LRP1B: variants seen among roughly 807,000 people sequenced by gnomAD.
LRP1B encodes LDL receptor related protein 1B, also known as low-density lipoprotein receptor-related protein 1B.
LRP1B carries 217 observed loss-of-function variants against 556.6 expected under a neutral mutation model. The ratio of observed to expected loss-of-function variants is 0.39; its 90% CI spans 0.35 to 0.44. LRP1B has a LOEUF of 0.44. Among genes scored for constraint, LRP1B ranks in the 20% least tolerant of loss-of-function variants. LRP1B has a pLI of 1.00. For missense variants in LRP1B, 5,053 were observed against 5,620.8 expected, an observed-to-expected ratio of 0.90 and a Z score of 3.23; for synonymous variants, 2,047 against 1,865.8, an observed-to-expected ratio of 1.10 and a Z score of -2.50.
intron 2 of LRP1B, among the ~76,000 whole-genome samples, chr2:141,598,792 T>C (rs1687615403): frequency 6.6e-6 from 1 of 152,074 alleles, no homozygotes; most frequent in Non-Finnish European, 1.5e-5. Context: ...CTCTGTGCCA[T>C]ACAGGAGTGT....
At chr2:142,020,341 CAG>C (rs1402957960) in intron 1 of LRP1B, among the ~76,000 whole-genome samples, 2 of 152,128 alleles carry the variant, frequency 1.3e-5, no homozygotes, top group Non-Finnish European at 2.9e-5. Flanking sequence ...CCGGAGTACA[CAG>C]AGAAGAGTTT....
chr2:142,089,734 G>A (rs867163427), intron 1 of LRP1B, among the ~76,000 whole-genome samples: 4 of 152,030 alleles, frequency 2.6e-5, no homozygotes, highest in African/African-American at 9.7e-5. Flanking sequence ...TACTCAAGAA[G>A]GATTGTGACA....
chr2:142,045,912 G>A (rs1448708822), intron 1 of LRP1B, among the ~76,000 whole-genome samples: 6 of 151,912 alleles, frequency 3.9e-5, no homozygotes, highest in Non-Finnish European at 8.8e-5. Context: ...CATTCATTAT[G>A]TGAATGCTAA....
intron 2 of LRP1B, among the ~76,000 whole-genome samples, chr2:141,581,965 G>A (rs1686970236): frequency 6.6e-6 from 1 of 152,108 alleles, no homozygotes; most frequent in Non-Finnish European, 1.5e-5. Context: ...AAAATGGTAT[G>A]GAAAATACAT....
At chr2:141,890,029 GCA>G (rs1243896606) in intron 1 of LRP1B, among the ~76,000 whole-genome samples, 1 of 140,582 alleles carries the variant, frequency 7.1e-6, no homozygotes. Context: ...TTTATTCCTT[GCA>G]GTTTTTCATT....
chr2:141,478,013 C>T (rs1261847241), intron 3 of LRP1B, among the ~76,000 whole-genome samples: 1 of 151,408 alleles, frequency 6.6e-6, no homozygotes, highest in Non-Finnish European at 1.5e-5. Flanking sequence ...ACTTGAAACA[C>T]TTAAATAACT....
chr2:140,423,991 A>G (rs970619713), intron 66 of LRP1B, among the ~76,000 whole-genome samples: 3 of 152,192 alleles, frequency 2.0e-5, no homozygotes, highest in African/African-American at 7.2e-5. Context: ...TGTTTACTCA[A>G]CATCTACCAT....
At chr2:142,013,341 A>G (rs1703013915) in intron 1 of LRP1B, among the ~76,000 whole-genome samples, 2 of 152,198 alleles carry the variant, frequency 1.3e-5, no homozygotes, top group East Asian at 3.8e-4. Context: ...GCAGAGTAGT[A>G]TCGGAAGGTG....
At chr2:142,075,828 G>A (rs185877303) in intron 1 of LRP1B, among the ~76,000 whole-genome samples, 8 of 152,220 alleles carry the variant, frequency 5.3e-5, no homozygotes, top group South Asian at 2.1e-4. Context: ...GCAGAAAACA[G>A]CTTGTCTTTT....
chr2:141,908,159 A>G (rs1206911977), intron 1 of LRP1B, among the ~76,000 whole-genome samples: 3 of 152,084 alleles, frequency 2.0e-5, no homozygotes, highest in African/African-American at 7.2e-5. Flanking sequence ...AAAATTTGCA[A>G]AATAAGTTTT....
chr2:141,907,953 C>T (rs1279103702), intron 1 of LRP1B, among the ~76,000 whole-genome samples: 2 of 151,972 alleles, frequency 1.3e-5, no homozygotes, highest in Non-Finnish European at 2.9e-5. Flanking sequence ...CTTCCTTCTA[C>T]ACCTGTTAGG....
intron 31 of LRP1B, among the ~76,000 whole-genome samples, chr2:140,824,836 T>C (rs1573768199): frequency 6.6e-6 from 1 of 152,114 alleles, no homozygotes; most frequent in African/African-American, 2.4e-5. Flanking sequence ...CTGAGACATA[T>C]CAATAAATCT....
chr2:140,410,169 C>T (rs538658335), intron 66 of LRP1B, among the ~76,000 whole-genome samples: 7 of 151,590 alleles, frequency 4.6e-5, no homozygotes, highest in Admixed American at 3.9e-4. Flanking sequence ...CATATTTTAA[C>T]CTTTGAAAAA....
At chr2:141,111,522 C>T (rs1347479601) in intron 7 of LRP1B, among the ~76,000 whole-genome samples, 3 of 152,148 alleles carry the variant, frequency 2.0e-5, no homozygotes, top group Non-Finnish European at 4.4e-5. Context: ...GTTTTGTGCA[C>T]TTAAGGGACC....
intron 79 of LRP1B, among the ~76,000 whole-genome samples, chr2:140,331,110 A>T (rs1037029486): frequency 1.3e-5 from 2 of 152,180 alleles, no homozygotes; most frequent in African/African-American, 4.8e-5. Flanking sequence ...TATTGTAAAG[A>T]TACACACATG....
At chr2:141,750,107 T>C (rs898139110) in intron 2 of LRP1B, among the ~76,000 whole-genome samples, 3 of 152,140 alleles carry the variant, frequency 2.0e-5, no homozygotes, top group African/African-American at 7.2e-5. Context: ...CAGCTATACA[T>C]GTCTGGTATA....
chr2:141,469,436 G>T (rs1430145602), intron 3 of LRP1B, among the ~76,000 whole-genome samples: 2 of 152,020 alleles, frequency 1.3e-5, no homozygotes, highest in East Asian at 3.9e-4. Flanking sequence ...TTATTTCTTA[G>T]TTCTAGAGGC....
intron 41 of LRP1B, among the ~76,000 whole-genome samples, chr2:140,674,697 C>A (rs1223286600): frequency 6.6e-6 from 1 of 152,178 alleles, no homozygotes; most frequent in Non-Finnish European, 1.5e-5. Flanking sequence ...ACCTTGGGCA[C>A]GTGTTCTCAG....
intron 1 of LRP1B, among the ~76,000 whole-genome samples, chr2:141,940,542 G>T (rs1485327876): frequency 6.6e-6 from 1 of 152,040 alleles, no homozygotes; most frequent in Non-Finnish European, 1.5e-5. Flanking sequence ...GAAACAGACA[G>T]TTGGGGAAAA....
Sources: allele counts gnomAD v4.1 joint callset (sites outside exome capture counted in the v4.1 genomes callset), GRCh38; gene constraint gnomAD v4.1.1; transcripts MANE v1.5; gene names NCBI Gene and HGNC (gene_info 2026-07-23, HGNC 2026-07-21).